The following BCAS4 variants were observed in gnomAD, a reference collection of about 807,000 sequenced individuals.
BCAS4 encodes the protein breast carcinoma amplified sequence 4.
BCAS4 carries 9 observed loss-of-function variants against 15.7 expected under a neutral mutation model. The observed-to-expected ratio is 0.57, with a 90% confidence interval of 0.34 to 1.00. The LOEUF (loss-of-function observed/expected upper bound fraction) is 1.00, where lower values mean the gene tolerates loss of function less well. Ranked by LOEUF, BCAS4 falls within the 50% of genes least tolerant of loss-of-function variation. BCAS4 has a pLI of 0.02. For missense variants in BCAS4, 225 were observed against 239.1 expected (o/e 0.94, Z 0.39); for synonymous variants, 101 against 99.5 (o/e 1.02, Z -0.09).
chr20:50,848,361 T>G (rs1202306375), intron 4 of BCAS4, among the ~76,000 whole-genome samples: 1 of 151,908 alleles, frequency 6.6e-6, no homozygotes, highest in Non-Finnish European at 1.5e-5. Flanking sequence ...GATGAGTAAG[T>G]GTGGGTGTGG....
At chr20:50,875,539 C>A (rs1298669067) in intron 4 of BCAS4, among the ~76,000 whole-genome samples, 1 of 144,230 alleles carries the variant, frequency 6.9e-6, no homozygotes, top group Non-Finnish European at 1.5e-5. Flanking sequence ...CCGAGGCGGG[C>A]GAGTCACCGG....
At chr20:50,795,194 G>A in intron 1 of BCAS4, 21 bp downstream of exon 1, 3 of 1,386,914 alleles carry the variant, frequency 2.2e-6, no homozygotes, top group African/African-American at 1.5e-5. Flanking sequence ...GGGCTGTGGA[G>A]TTGGAGGAGA....
Position 50,851,929 on chromosome 20 carries a change from G to A in BCAS4, c.399+10029G>A, listed in dbSNP as rs912519192. ...CATGGCCTCATCTGCATTTTCTCCTGTTGTTCCCCTAGCCTGAGAGCTGCT... is the reference window on the plus strand; with the variant it reads ...CATGGCCTCATCTGCATTTTCTCCTATTGTTCCCCTAGCCTGAGAGCTGCT... On this transcript the variant is annotated intron_variant, in intron 4 of 4. Coordinates refer to ENST00000371608, the MANE Select transcript of BCAS4 (RefSeq NM_198799.4). The surrounding 1 kb of genome is among the most constrained non-coding windows in gnomAD (Gnocchi z 4.3). 1.2e-4 allele frequency among the ~76,000 whole-genome samples: 18 copies of A among 152,328 alleles called. No homozygotes were observed. The highest frequency in any genetic ancestry group is 4.1e-4 in the African/African-American group (17 of 41,576).
intron 4 of BCAS4, among the ~76,000 whole-genome samples, chr20:50,871,903 G>C (rs1259679819): frequency 6.6e-6 from 1 of 152,208 alleles, no homozygotes; most frequent in Non-Finnish European, 1.5e-5. Context: ...GCCCCAGCCT[G>C]AGCTGTGGGG....
chr20:50,860,608 G>A (rs978582010), intron 4 of BCAS4, among the ~76,000 whole-genome samples: 8 of 152,322 alleles, frequency 5.3e-5, no homozygotes, highest in Admixed American at 5.2e-4. Flanking sequence ...GGGCGTGGTG[G>A]CTCACGCCTA....
intron 1 of BCAS4, among the ~76,000 whole-genome samples, chr20:50,799,844 C>G (rs535145112): frequency 6.6e-6 from 1 of 152,074 alleles, no homozygotes; most frequent in Non-Finnish European, 1.5e-5. Context: ...TCCTTTGTAC[C>G]CAGGAGTTCG....
intron 4 of BCAS4, among the ~76,000 whole-genome samples, chr20:50,852,959 T>C (rs899464694): frequency 4.6e-5 from 7 of 152,052 alleles, no homozygotes; most frequent in Admixed American, 2.0e-4. Context: ...GGCCCACGGC[T>C]GGTCTGGGTT....
rs528012665 is a variant in BCAS4, at chr20:50,876,858, A to G, written c.*250A>G. On this transcript the variant is annotated 3_prime_UTR_variant, in exon 5 of 5. Coordinates refer to ENST00000371608, the MANE Select transcript of BCAS4 (RefSeq NM_198799.4). Reference sequence around the variant, plus strand: ...CGTGCCCAGGCTGCTGCCATTTTCAAATTTCCTCCCTGCCTCATGTGAGAC... The same window carrying G: ...CGTGCCCAGGCTGCTGCCATTTTCAGATTTCCTCCCTGCCTCATGTGAGAC... 3.7e-5 allele frequency: 12 copies of G among 325,446 alleles called. No homozygotes were observed. Among genetic ancestry groups the G allele is most frequent in the Middle Eastern group, 9.5e-4 (1 of 1,056 alleles). 20.2% of individuals were successfully genotyped at this position (325,446 alleles called of 1,614,324 possible).
chr20:50,873,436 A>C (rs138716134), intron 4 of BCAS4, among the ~76,000 whole-genome samples: 1 of 152,268 alleles, frequency 6.6e-6, no homozygotes, highest in East Asian at 1.9e-4. Flanking sequence ...AGATCACAGA[A>C]CACTCTTTGG....
At chr20:50,835,946 A>G (rs1025084691) in intron 3 of BCAS4, among the ~76,000 whole-genome samples, 2 of 151,338 alleles carry the variant, frequency 1.3e-5, no homozygotes. Context: ...GAGACAGAGT[A>G]TCGCTCTGTC....
At chr20:50,835,330 T>C (rs1458793615) in intron 3 of BCAS4, among the ~76,000 whole-genome samples, 2 of 150,892 alleles carry the variant, frequency 1.3e-5, no homozygotes, top group African/African-American at 2.4e-5. Flanking sequence ...CTGCAACCTC[T>C]GCCTCCCGGG....
At chr20:50,836,640 A>G (rs2088413858) in intron 3 of BCAS4, among the ~76,000 whole-genome samples, 1 of 152,178 alleles carries the variant, frequency 6.6e-6, no homozygotes, top group African/African-American at 2.4e-5. Context: ...TGCCCTCAGA[A>G]TCAGTGTGAC....
intron 4 of BCAS4, among the ~76,000 whole-genome samples, chr20:50,847,888 T>C (rs1214099628): frequency 3.3e-5 from 5 of 151,124 alleles, no homozygotes; most frequent in African/African-American, 9.7e-5. Flanking sequence ...CCAAAAAAAA[T>C]ACAAAACTTT....
chr20:50,879,060 C>T (rs1053619312), downstream of BCAS4: 18 of 152,092 alleles, frequency 1.2e-4, no homozygotes, highest in African/African-American at 4.4e-4. Flanking sequence ...TGTGTCATCT[C>T]TTGTCTCTGG....
chr20:50,843,119 C>G (rs1049876565), intron 4 of BCAS4, among the ~76,000 whole-genome samples: 4 of 152,006 alleles, frequency 2.6e-5, no homozygotes, highest in African/African-American at 9.7e-5. Context: ...ACCATCACAC[C>G]TGGCTAATTT....
At chr20:50,865,802 G>T (rs1279659404) in intron 4 of BCAS4, among the ~76,000 whole-genome samples, 1 of 152,180 alleles carries the variant, frequency 6.6e-6, no homozygotes, top group Non-Finnish European at 1.5e-5. Context: ...GCTCTGCAAG[G>T]CTGTCCAGCC....
chr20:50,862,482 G>T (rs1172959987), intron 4 of BCAS4, among the ~76,000 whole-genome samples: 1 of 152,002 alleles, frequency 6.6e-6, no homozygotes, highest in Non-Finnish European at 1.5e-5. Flanking sequence ...TGCAGGAGAG[G>T]GGTCGCAGGT....
chr20:50,866,621 G>A (rs1433061180), intron 4 of BCAS4, among the ~76,000 whole-genome samples: 2 of 152,346 alleles, frequency 1.3e-5, no homozygotes, highest in Middle Eastern at 3.4e-3. Context: ...TGCTCTCTGA[G>A]TGGGCCAGAT....
chr20:50,854,043 T>G (rs1978620919), intron 4 of BCAS4, among the ~76,000 whole-genome samples: 1 of 152,212 alleles, frequency 6.6e-6, no homozygotes, highest in Non-Finnish European at 1.5e-5. Flanking sequence ...CTGTCAAGAC[T>G]GGGTGATGGT....
Sources: gnomAD v4.1 joint callset for allele counts (sites outside exome capture counted in the v4.1 genomes callset) on GRCh38, gnomAD v4.1.1 for gene constraint, Gnocchi (gnomAD v3.1) non-coding constraint, MANE v1.5 for transcripts, NCBI Gene and HGNC (gene_info 2026-07-23, HGNC 2026-07-21) for gene names.